Variants in LRRC37B observed in about 807,000 individuals in gnomAD.
LRRC37B encodes the protein leucine-rich repeat-containing protein 37B.
A neutral mutation model predicts 98.3 loss-of-function variants in LRRC37B; 28 were observed. That is an observed-to-expected ratio of 0.28 (90% CI 0.21 to 0.39). The LOEUF is 0.39. LRRC37B is among the 10% of genes least tolerant of loss of function. The pLI, the probability that LRRC37B is intolerant of heterozygous loss-of-function variation, is 1.00. For missense variants in LRRC37B, 938 were observed against 1,182.7 expected (o/e 0.79, Z 3.03); for synonymous variants, 364 against 442.7 (o/e 0.82, Z 2.23).
chr17:32,036,063 T>C (rs578000103), intron 7 of LRRC37B: 1 of 176,460 alleles, frequency 5.7e-6, no homozygotes, highest in South Asian at 1.3e-4. Context: ...TGCAGAGGCA[T>C]GACCTCAGCT....
chr17:32,014,389 C>T (rs1053342699), intron 1 of LRRC37B, among the ~76,000 whole-genome samples: 1 of 152,086 alleles, frequency 6.6e-6, no homozygotes, highest in Non-Finnish European at 1.5e-5. Flanking sequence ...ATCCAGAATT[C>T]TATATCCAGC....
chr17:32,036,493 A>T (rs1287039794), intron 7 of LRRC37B, among the ~76,000 whole-genome samples: 1 of 152,236 alleles, frequency 6.6e-6, no homozygotes, highest in African/African-American at 2.4e-5. Context: ...AATTATTTAC[A>T]TACCATTTAC....
intron 7 of LRRC37B, among the ~76,000 whole-genome samples, chr17:32,036,648 G>A (rs1288094010): frequency 1.3e-5 from 2 of 152,118 alleles, no homozygotes; most frequent in African/African-American, 2.4e-5. Flanking sequence ...GACACCGAGG[G>A]ACAACTCTTC....
intron 7 of LRRC37B, chr17:32,035,980 TG>T (rs1166127285): frequency 4.5e-6 from 1 of 224,152 alleles, no homozygotes; most frequent in Non-Finnish European, 8.7e-6. Flanking sequence ...TAGCCTCTTG[TG>T]TTTGACTTCT....
At chr17:32,015,157 C>G (rs1910624425) in intron 1 of LRRC37B, among the ~76,000 whole-genome samples, 1 of 152,070 alleles carries the variant, frequency 6.6e-6, no homozygotes, top group Non-Finnish European at 1.5e-5. Flanking sequence ...TAAAAGCTAG[C>G]TGGTGATTTT....
intron 5 of LRRC37B, among the ~76,000 whole-genome samples, chr17:32,032,624 G>C (rs558503140): frequency 1.3e-4 from 20 of 152,238 alleles, no homozygotes; most frequent in African/African-American, 4.8e-4. Context: ...TTCATTTTGA[G>C]GTAGAGGGAG....
exon 1 of LRRC37B, chr17:32,021,289 G>C: frequency 6.2e-7 from 1 of 1,613,198 alleles, no homozygotes; most frequent in East Asian, 2.2e-5. Context: ...CCTGAGCCCT[G>C]GTCTTCCCGC....
chr17:32,048,952 A>G (rs1567620522), intron 9 of LRRC37B, 150 bp from the exon 13 acceptor site: 19 of 1,351,014 alleles, frequency 1.4e-5, no homozygotes, highest in South Asian at 4.8e-5. Flanking sequence ...ACAAACTACA[A>G]TCATCCTCCT....
chr17:32,021,245 C>A lies in LRRC37B; in HGVS notation c.180C>A (p.Asp60Glu), dbSNP rs1486121516. ...CTCAGCCTCTGGTGTGGGTCAAGGA[C>A]CCGCTCCAGCTGACCTCTAACCCCC... Residue 60 changes from aspartate to glutamate, a missense_variant, in exon 1 of 12, where the codon GAC becomes GAA. Coordinates refer to ENST00000327564, the Ensembl canonical transcript of LRRC37B. 1.2e-6 allele frequency: 2 copies of A among 1,612,694 alleles called. No individual in the cohort carries two copies. The highest frequency in any genetic ancestry group is 3.3e-5 in the Admixed American group (2 of 60,018).
chr17:32,046,421 C>T (rs9674915), intron 8 of LRRC37B, among the ~76,000 whole-genome samples: 1 of 152,188 alleles, frequency 6.6e-6, no homozygotes, highest in Non-Finnish European at 1.5e-5. Flanking sequence ...AGAACAAATG[C>T]TCAAGTTTTT....
At chr17:32,045,520 C>T (rs112705978) in intron 7 of LRRC37B, 180 bp from the exon 11 acceptor site, 3 of 615,942 alleles carry the variant, frequency 4.9e-6, no homozygotes, top group Non-Finnish European at 5.8e-6. Flanking sequence ...GCCATGCTTA[C>T]CCTTCAGTTG....
At chr17:32,037,550 G>A (rs1911281661) in intron 7 of LRRC37B, among the ~76,000 whole-genome samples, 1 of 152,150 alleles carries the variant, frequency 6.6e-6, no homozygotes, top group Admixed American at 6.5e-5. Flanking sequence ...ACAGGCGTGA[G>A]CCACGATGCA....
chr17:32,009,085 C>A (rs1034070772), intron 1 of LRRC37B, among the ~76,000 whole-genome samples: 1 of 152,072 alleles, frequency 6.6e-6, no homozygotes, highest in Non-Finnish European at 1.5e-5. Flanking sequence ...TGTATCCTCC[C>A]TAGCACTTGA....
In LRRC37B at chr17:32,022,905, C is replaced by G. The variant is rs1045585271; in HGVS notation, c.1760+80C>G. 34 of 1,361,200 alleles carry G rather than the reference C, an allele frequency of 2.5e-5. No homozygotes were observed. The East Asian group carries it at 7.3e-4, about 29-fold the overall frequency. The allele number at this position is 1,361,200 out of a possible 1,614,324, so 84.3% of individuals were successfully genotyped here. A position where few individuals can be genotyped will look rare whatever the true frequency, so the allele number is the denominator to read the frequency against. On this transcript the variant is annotated intron_variant, in intron 1 of 11. Transcript: ENST00000327564. ...TTTCCTGGAGGCCTTCCTGGGCCTT[C>G]TTTATCTCCCCAAGCCATACTGACA...
intron 7 of LRRC37B, among the ~76,000 whole-genome samples, chr17:32,037,358 C>T (rs1368771288): frequency 6.6e-6 from 1 of 151,920 alleles, no homozygotes; most frequent in Non-Finnish European, 1.5e-5. Context: ...CTCGGCCTCC[C>T]AGGTTCAAGT....
Position 32,036,976 on chromosome 17 carries a change from A to ATTTTT in LRRC37B, c.2204+1362_2204+1366dup, listed in dbSNP as rs71360793. Among the ~76,000 whole-genome samples, 11 of 51,702 alleles carry ATTTTT rather than the reference A, an allele frequency of 2.1e-4. 1 individual carries two copies. Among genetic ancestry groups the ATTTTT allele is most frequent in the Admixed American group, 5.2e-4 (2 of 3,818 alleles). The allele number at this position is 51,702 out of a possible 152,430, so 33.9% of individuals were successfully genotyped here. ...GTCACAGTTGTTCCACATCTTCAGC[A>ATTTTT]TTTTTTTTTTTTTTTTTTTTTTTTT... On this transcript the variant is annotated intron_variant, in intron 7 of 11. Coordinates refer to ENST00000327564, the Ensembl canonical transcript of LRRC37B.
intron 3 of LRRC37B, 24 bp downstream of exon 6, chr17:32,027,864 G>T: frequency 3.8e-6 from 6 of 1,588,198 alleles, no homozygotes; most frequent in Non-Finnish European, 5.1e-6. Flanking sequence ...TCATATTTTT[G>T]AGTTTTTAGT....
At chr17:32,014,584 G>A (rs1910609081) in intron 1 of LRRC37B, among the ~76,000 whole-genome samples, 1 of 152,132 alleles carries the variant, frequency 6.6e-6, no homozygotes, top group Non-Finnish European at 1.5e-5. Flanking sequence ...CAGCAGAAAT[G>A]GTATCTGGGA....
At chr17:32,034,818 TA>T in intron 5 of LRRC37B, 91 bp from the exon 9 acceptor site, 1 of 958,142 alleles carries the variant, frequency 1.0e-6, no homozygotes, top group Non-Finnish European at 1.6e-6. Context: ...TTTTTTTACC[TA>T]AAAGTTCCAT....
Sources: gnomAD v4.1 joint callset for allele counts (sites outside exome capture counted in the v4.1 genomes callset) on GRCh38, gnomAD v4.1.1 for gene constraint, MANE v1.5 for transcripts, NCBI Gene and HGNC (gene_info 2026-07-23, HGNC 2026-07-21) for gene names.